CHRM3: variants seen among roughly 807,000 people sequenced by gnomAD.
CHRM3 encodes the protein cholinergic receptor muscarinic 3.
In CHRM3, 11 loss-of-function variants were observed where a neutral mutation model predicts 41.8. The observed-to-expected ratio is 0.26, with a 90% CI of 0.17 to 0.44. The LOEUF (loss-of-function observed/expected upper bound fraction) is 0.44. CHRM3 is among the 20% of genes least tolerant of loss of function. The pLI is 1.00. For missense variants in CHRM3, 571 were observed against 745.4 expected (o/e 0.77, Z 2.72); for synonymous variants, 297 against 301.4 (o/e 0.99, Z 0.15).
At chr1:239,479,284 C>T (rs1165838858) in intron 1 of CHRM3, among the ~76,000 whole-genome samples, 3 of 151,392 alleles carry the variant, frequency 2.0e-5, no homozygotes, top group Non-Finnish European at 4.4e-5. Context: ...AAACCCTAAG[C>T]AGTCTAAATA....
At position 239,679,994 on chromosome 1, in the gene CHRM3, C is replaced by T. The variant is rs937807791; in HGVS notation, c.-147+1706C>T. ...AATCAACACCTCTCAGGGTGGACCG[C>T]GGGCTTCAGAATTTTTTAAAGTTCC... On this transcript the variant is annotated intron_variant, in intron 5 of 6. Transcript: ENST00000676153. Among the ~76,000 whole-genome samples, 3 of 152,000 alleles carry T rather than the reference C, an allele frequency of 2.0e-5. 1 individual carries two copies. The highest frequency in any genetic ancestry group is 2.0e-4 in the Admixed American group (3 of 15,246).
At position 239,909,186 on chromosome 1, in the gene CHRM3, G is replaced by T; in HGVS notation, c.1735G>T (p.Val579Phe). 1.2e-6 allele frequency: 2 copies of T among 1,613,254 alleles called. No individual in the cohort carries two copies. The highest frequency in any genetic ancestry group is 1.1e-5 in the South Asian group (1 of 90,984). The change falls in exon 7 of 7, where the codon GTC becomes TTC. Residue 579 changes from valine (V) to phenylalanine (F), a missense_variant. Physicochemically the swap from Val to Phe is conservative, Grantham distance 50. Transcript: ENST00000676153. ...RKQQYQQRQS[V>F]IFHKRAPEQA... ...GCAGCAGTACCAGCAGAGACAGTCG[G>T]TCATTTTTCACAAGCGCGCACCCGA...
At chr1:239,668,500 A>C (rs1217132167) in intron 4 of CHRM3, among the ~76,000 whole-genome samples, 1 of 152,090 alleles carries the variant, frequency 6.6e-6, no homozygotes, top group Non-Finnish European at 1.5e-5. Context: ...CATCTCTATC[A>C]CTTCAGTCTT....
chr1:239,443,013 C>T (rs1663852017), intron 1 of CHRM3, among the ~76,000 whole-genome samples: 1 of 152,154 alleles, frequency 6.6e-6, no homozygotes, highest in Admixed American at 6.5e-5. Context: ...AATAGAGCCA[C>T]CTATCCTTAA....
At chr1:239,740,545 G>A (rs1664752874) in intron 5 of CHRM3, among the ~76,000 whole-genome samples, 1 of 151,752 alleles carries the variant, frequency 6.6e-6, no homozygotes, top group East Asian at 1.9e-4. Context: ...GTGGTTTGCT[G>A]CACCGATCAA....
chr1:239,470,449 C>T (rs762509618), intron 1 of CHRM3, among the ~76,000 whole-genome samples: 1 of 152,174 alleles, frequency 6.6e-6, no homozygotes, highest in African/African-American at 2.4e-5. Flanking sequence ...CACACCCCCC[C>T]ACTCTTTTAC....
intron 6 of CHRM3, among the ~76,000 whole-genome samples, chr1:239,844,272 T>C (rs887681576): frequency 1.3e-5 from 2 of 152,110 alleles, no homozygotes; most frequent in African/African-American, 4.8e-5. Flanking sequence ...GCTTGGGAGG[T>C]ATAAATGGGA....
intron 5 of CHRM3, among the ~76,000 whole-genome samples, chr1:239,733,271 G>T (rs1026816610): frequency 1.3e-5 from 2 of 152,064 alleles, no homozygotes; most frequent in African/African-American, 4.8e-5. Flanking sequence ...TGGAGACTGG[G>T]TGTGGCTCCA....
chr1:239,831,767 A>T (rs1406224336), intron 6 of CHRM3, among the ~76,000 whole-genome samples: 1 of 152,196 alleles, frequency 6.6e-6, no homozygotes, highest in African/African-American at 2.4e-5. Flanking sequence ...ATCTTTGGCC[A>T]ATAGCATCCT....
intron 3 of CHRM3, among the ~76,000 whole-genome samples, chr1:239,609,184 A>G (rs1043127718): frequency 2.0e-5 from 3 of 152,144 alleles, no homozygotes; most frequent in Non-Finnish European, 4.4e-5. Context: ...AACCATAGAT[A>G]TGCTTTCTGT....
chr1:239,683,456 C>T (rs981369340), intron 5 of CHRM3, among the ~76,000 whole-genome samples: 3 of 151,796 alleles, frequency 2.0e-5, no homozygotes, highest in African/African-American at 7.2e-5. Context: ...ATAGCTAATA[C>T]TTTTATTAGC....
intron 5 of CHRM3, among the ~76,000 whole-genome samples, chr1:239,752,983 A>AT (rs1163799634): frequency 1.3e-5 from 2 of 152,270 alleles, no homozygotes; most frequent in East Asian, 1.9e-4. Context: ...AAGATAGGCA[A>AT]TTTTTTTAAA....
At chr1:239,502,825 T>C (rs1214455618) in intron 2 of CHRM3, among the ~76,000 whole-genome samples, 3 of 152,302 alleles carry the variant, frequency 2.0e-5, no homozygotes, top group African/African-American at 7.2e-5. Flanking sequence ...ATCATCTCAA[T>C]AGTTGCAGAA....
intron 3 of CHRM3, among the ~76,000 whole-genome samples, chr1:239,618,385 G>A (rs1667894936): frequency 6.7e-6 from 1 of 149,790 alleles, no homozygotes; most frequent in Admixed American, 6.7e-5. Context: ...TTCAGTCATG[G>A]GTGGCCCTGT....
chr1:239,427,738 A>G (rs983708951), intron 1 of CHRM3, among the ~76,000 whole-genome samples: 3 of 152,030 alleles, frequency 2.0e-5, no homozygotes, highest in East Asian at 2.0e-4. Context: ...TGGAACCTCA[A>G]GAAGCACCCA....
chr1:239,473,256 C>A (rs1182550970), intron 1 of CHRM3, among the ~76,000 whole-genome samples: 17 of 105,928 alleles, frequency 1.6e-4, no homozygotes, highest in South Asian at 3.2e-4. Flanking sequence ...TAAACGTAAG[C>A]ATATTTGAAA....
Position 239,908,054 on chromosome 1 carries a change from T to G in CHRM3, c.603T>G (p.Ala201=). The stretch of plus-strand genomic sequence containing the variant: ...GGGTCATCTCCTTTGTCCTTTGGGC[T>G]CCTGCCATCTTGTTCTGGCAATACT... ...LAWVISFVLW[A]PAILFWQYFV... The change falls in exon 7 of 7, where the codon GCT becomes GCG. Residue 201 remains alanine (A), a synonymous_variant. Coordinates refer to ENST00000676153, the MANE Select transcript of CHRM3 (RefSeq NM_001375978.1). This position sits in a 1 kb window ranked among gnomAD's most constrained non-coding sequence, Gnocchi z 7.2. The G allele has an allele frequency of 6.2e-7, 1 of 1,614,204 alleles. No homozygotes were observed. The highest frequency in any genetic ancestry group is 8.5e-7 in the Non-Finnish European group (1 of 1,180,040).
At chr1:239,427,032 T>A (rs1439223489) in intron 1 of CHRM3, among the ~76,000 whole-genome samples, 1 of 151,984 alleles carries the variant, frequency 6.6e-6, no homozygotes, top group Non-Finnish European at 1.5e-5. Context: ...TGGGCTCCAT[T>A]TGAGACATGT....
chr1:239,684,838 A>C (rs916293680), intron 5 of CHRM3, among the ~76,000 whole-genome samples: 5 of 151,120 alleles, frequency 3.3e-5, no homozygotes, highest in Non-Finnish European at 7.4e-5. Flanking sequence ...GAGGATGAGA[A>C]TTTTCTGGGA....
Sources: allele counts gnomAD v4.1 joint callset (sites outside exome capture counted in the v4.1 genomes callset), GRCh38; gene constraint gnomAD v4.1.1; non-coding constraint Gnocchi (gnomAD v3.1); transcripts MANE v1.5; gene names NCBI Gene and HGNC (gene_info 2026-07-23, HGNC 2026-07-21).